The following PRDM5 variants were observed in gnomAD, a reference collection of about 807,000 sequenced individuals.
PRDM5 encodes the protein PR/SET domain 5.
Under a neutral mutation model 81.2 loss-of-function variants are expected in PRDM5, and 56 were observed. The ratio of observed to expected loss-of-function variants is 0.69; its 90% CI spans 0.56 to 0.86. The LOEUF is 0.86. Among genes scored for constraint, PRDM5 ranks in the 40% least tolerant of loss-of-function variants. PRDM5 has a pLI of 0.00. For synonymous variants in PRDM5, 267 were observed against 256.4 expected (o/e 1.04, Z -0.39); for missense variants, 697 against 770.1 (o/e 0.91, Z 1.12).
intron 3 of PRDM5, among the ~76,000 whole-genome samples, chr4:120,827,747 C>G (rs1182654369): frequency 6.6e-6 from 1 of 151,998 alleles, no homozygotes; most frequent in Non-Finnish European, 1.5e-5. Context: ...ATGCCAAGGG[C>G]TAATATCAAG....
downstream of PRDM5, among the ~76,000 whole-genome samples, chr4:120,689,969 C>T (rs572830537): frequency 3.9e-4 from 59 of 152,166 alleles, no homozygotes; most frequent in African/African-American, 1.4e-3. Context: ...ATCAGTTTGC[C>T]AATTTAAATA....
At position 120,816,834 on chromosome 4, in the gene PRDM5, C is replaced by T. The variant is rs781309084; in HGVS notation, c.741G>A (p.Ser247=). The change falls in exon 6 of 16, where the codon TCG becomes TCA. Residue 247 remains serine (S), a splice_region_variant and synonymous_variant. Transcript: ENST00000264808. The part of the protein sequence containing the change: ...SVCNSSFSSA[S]SFEQHQETCR... ...ATTTCATAACTCAGACACAAAACCT[C>T]GATGCTGAACTGAAGGAAGAATTGC... The T allele has an allele frequency of 1.2e-5, 20 of 1,612,750 alleles. No homozygotes were observed. Among genetic ancestry groups the T allele is most frequent in the East Asian group, 2.2e-5 (1 of 44,886 alleles).
intron 10 of PRDM5, among the ~76,000 whole-genome samples, chr4:120,785,298 T>C (rs552899613): frequency 6.6e-6 from 1 of 152,150 alleles, no homozygotes; most frequent in African/African-American, 2.4e-5. Flanking sequence ...ATGCTCACAG[T>C]AATTATTAAC....
chr4:120,817,420 T>C (rs879507475), intron 5 of PRDM5, among the ~76,000 whole-genome samples: 2 of 152,140 alleles, frequency 1.3e-5, no homozygotes, highest in South Asian at 2.1e-4. Flanking sequence ...TTAAAGCCTA[T>C]GTTAAAGATT....
intron 2 of PRDM5, among the ~76,000 whole-genome samples, chr4:120,876,848 CTA>C (rs1173205095): frequency 2.6e-5 from 4 of 152,052 alleles, no homozygotes; most frequent in Non-Finnish European, 5.9e-5. Context: ...CTAGGATGTA[CTA>C]TGTTTTATAT....
chr4:120,808,809 G>A (rs1350524568), intron 8 of PRDM5, among the ~76,000 whole-genome samples: 1 of 152,198 alleles, frequency 6.6e-6, no homozygotes. Flanking sequence ...TGCTGGCCCA[G>A]GTGCTAAGTC....
intron 2 of PRDM5, 80 bp downstream of exon 2, chr4:120,907,394 T>A: frequency 9.1e-7 from 1 of 1,097,542 alleles, no homozygotes; most frequent in Non-Finnish European, 1.4e-6. Context: ...GGAATCAATA[T>A]CAATTAATGT....
At chr4:120,764,325 G>A (rs1746069546) in intron 13 of PRDM5, among the ~76,000 whole-genome samples, 1 of 151,980 alleles carries the variant, frequency 6.6e-6, no homozygotes, top group South Asian at 2.1e-4. Context: ...TAATTCATTT[G>A]GTTATTGTTC....
intron 2 of PRDM5, among the ~76,000 whole-genome samples, chr4:120,879,256 A>T (rs1762608528): frequency 1.3e-5 from 2 of 152,208 alleles, no homozygotes. Flanking sequence ...TACAGGGGAA[A>T]ATTTAATGCA....
chr4:120,803,613 T>C (rs537333094), intron 8 of PRDM5, among the ~76,000 whole-genome samples: 5 of 152,262 alleles, frequency 3.3e-5, no homozygotes, highest in South Asian at 4.2e-4. Flanking sequence ...CTAAGCTTCA[T>C]AGGTGAAGGA....
intron 2 of PRDM5, among the ~76,000 whole-genome samples, chr4:120,901,835 A>G (rs932263538): frequency 1.3e-5 from 2 of 152,208 alleles, no homozygotes; most frequent in Non-Finnish European, 2.9e-5. Flanking sequence ...AGTGTACTGA[A>G]CTGTGGCATA....
intron 3 of PRDM5, among the ~76,000 whole-genome samples, chr4:120,824,066 T>G (rs755626634): frequency 7.9e-5 from 12 of 152,188 alleles, no homozygotes; most frequent in Admixed American, 6.5e-4. Context: ...CAGAAGCAGA[T>G]GCTGGCACCA....
At chr4:120,708,493 G>C (rs1736508932) in intron 15 of PRDM5, among the ~76,000 whole-genome samples, 1 of 151,956 alleles carries the variant, frequency 6.6e-6, no homozygotes, top group African/African-American at 2.4e-5. Flanking sequence ...AGGGGAGTGA[G>C]GTGTAAATGT....
intron 15 of PRDM5, 41 bp downstream of exon 15, chr4:120,710,268 G>T: frequency 1.3e-6 from 2 of 1,526,212 alleles, no homozygotes; most frequent in Non-Finnish European, 1.8e-6. Flanking sequence ...CCTACTTTCT[G>T]TTATTGGAAG....
At position 120,754,042 on chromosome 4, in the gene PRDM5, G is replaced by T. The variant is rs1208835718; in HGVS notation, c.1623+511C>A. 2.6e-5 allele frequency among the ~76,000 whole-genome samples: 4 copies of T among 152,144 alleles called. No individual in the cohort carries two copies. In the East Asian group the frequency reaches 5.8e-4, roughly 22 times the overall value. ...ACAGCAAAGGAACAAAGGGCACCCT[G>T]GGAAGAATAAGCCACAGCACTAGGC... On this transcript the variant is annotated intron_variant, in intron 14 of 15. Transcript: ENST00000264808.
In PRDM5 at chr4:120,907,111, G is replaced by A. The variant is rs1380041669; in HGVS notation, c.177+363C>T. ...GCACTCTGGGAGGCCGAGACGGGTAGATCACCTGAGGTCAGAAGTTCAAGA... is the reference window on the plus strand; with the variant it reads ...GCACTCTGGGAGGCCGAGACGGGTAAATCACCTGAGGTCAGAAGTTCAAGA... On this transcript the variant is annotated intron_variant, in intron 2 of 15. Coordinates refer to ENST00000264808, the MANE Select transcript of PRDM5 (RefSeq NM_018699.4). Among the ~76,000 whole-genome samples, 3 of 151,560 alleles carry A rather than the reference G, an allele frequency of 2.0e-5. No individual in the cohort carries two copies. In the East Asian group the frequency reaches 5.8e-4, roughly 29 times the overall value.
At chr4:120,790,434 C>T (rs1238912222) in intron 10 of PRDM5, among the ~76,000 whole-genome samples, 1 of 152,090 alleles carries the variant, frequency 6.6e-6, no homozygotes, top group Non-Finnish European at 1.5e-5. Context: ...AAATAGGCAG[C>T]CTAATATTAA....
At chr4:120,823,387 C>A (rs1307039948) in intron 3 of PRDM5, among the ~76,000 whole-genome samples, 2 of 152,084 alleles carry the variant, frequency 1.3e-5, no homozygotes, top group African/African-American at 4.8e-5. Context: ...CTCCACAGGA[C>A]CAGCTGCATG....
At chr4:120,878,903 C>T (rs1762578543) in intron 2 of PRDM5, among the ~76,000 whole-genome samples, 1 of 152,190 alleles carries the variant, frequency 6.6e-6, no homozygotes, top group African/African-American at 2.4e-5. Flanking sequence ...CTGACAAGGA[C>T]ATGGGGCAAC....
Sources: allele counts gnomAD v4.1 joint callset (sites outside exome capture counted in the v4.1 genomes callset), GRCh38; gene constraint gnomAD v4.1.1; transcripts MANE v1.5; gene names NCBI Gene and HGNC (gene_info 2026-07-23, HGNC 2026-07-21).